Variants in ARHGEF9 observed in about 807,000 individuals in gnomAD.
ARHGEF9 encodes the protein Cdc42 guanine nucleotide exchange factor 9.
Under a neutral mutation model 41.3 loss-of-function variants are expected in ARHGEF9, and 2 were observed. The ratio of observed to expected loss-of-function variants is 0.05; its 90% CI spans 0.02 to 0.15. The LOEUF is 0.15. Among genes scored for constraint, ARHGEF9 ranks in the 10% least tolerant of loss-of-function variants. The pLI is 1.00. For missense variants in ARHGEF9, 225 were observed against 424.7 expected, an observed-to-expected ratio of 0.53 and a Z score of 4.13; for synonymous variants, 160 against 154.4, an observed-to-expected ratio of 1.04 and a Z score of -0.27.
chrX:63,653,151 G>C (rs1451010735), intron 8 of ARHGEF9, among the ~76,000 whole-genome samples: 1 of 111,542 alleles, frequency 9.0e-6, no homozygotes, highest in East Asian at 2.8e-4. Context: ...CAATATCCTA[G>C]ATAATCTGGA....
intron 4 of ARHGEF9, among the ~76,000 whole-genome samples, chrX:63,690,210 G>GT (rs1318176757): frequency 1.2e-4 from 13 of 109,726 alleles, no homozygotes; most frequent in Non-Finnish European, 2.5e-4. Context: ...ATGAAAAGTT[G>GT]TTTTTTTTGA....
At chrX:63,694,250 G>T (rs1453325185) in intron 4 of ARHGEF9, among the ~76,000 whole-genome samples, 6 of 111,287 alleles carry the variant, frequency 5.4e-5, no homozygotes, top group Admixed American at 9.6e-5. Context: ...CAACTCTTAC[G>T]TATTAGTAGT....
At chrX:63,716,016 G>C (rs1324511344) in intron 2 of ARHGEF9, 1 of 112,273 alleles carries the variant, frequency 8.9e-6, no homozygotes, top group East Asian at 2.8e-4. Context: ...AGCCAGGGTG[G>C]TGGCTCACAC....
intron 6 of ARHGEF9, chrX:63,670,416 C>T (rs1257775858): frequency 9.1e-6 from 1 of 110,448 alleles, no homozygotes; most frequent in Non-Finnish European, 1.9e-5. Context: ...TGGAACAGGT[C>T]CTTGGGTATT....
At chrX:63,761,566 A>C (rs1461479440) in intron 1 of ARHGEF9, among the ~76,000 whole-genome samples, 1 of 111,728 alleles carries the variant, frequency 9.0e-6, no homozygotes, top group Non-Finnish European at 1.9e-5. Context: ...TGAGAATACC[A>C]ATCTTCACCC....
intron 1 of ARHGEF9, among the ~76,000 whole-genome samples, chrX:63,741,057 T>C (rs1445998075): frequency 8.9e-6 from 1 of 112,626 alleles, no homozygotes; most frequent in Non-Finnish European, 1.9e-5. Context: ...TTTGCTCTAG[T>C]CCAGACTGTT....
chrX:63,783,517 A>C (rs1255354203), intron 1 of ARHGEF9, among the ~76,000 whole-genome samples: 1 of 111,387 alleles, frequency 9.0e-6, no homozygotes, highest in Non-Finnish European at 1.9e-5. Flanking sequence ...CGGCCTCCCA[A>C]AGTGCTGGGA....
At chrX:63,702,836 A>T (rs1452189484) in intron 3 of ARHGEF9, among the ~76,000 whole-genome samples, 2 of 112,034 alleles carry the variant, frequency 1.8e-5, no homozygotes, top group Non-Finnish European at 3.8e-5. Flanking sequence ...CATCTTACAG[A>T]ACTAGAGAAA....
chrX:63,732,315 A>T (rs2054357192), intron 1 of ARHGEF9: 1 of 110,675 alleles, frequency 9.0e-6, no homozygotes, highest in Admixed American at 9.6e-5. Flanking sequence ...TACCACCTCC[A>T]ATAAAATGCA....
chrX:63,773,890 T>C (rs1259840940), intron 1 of ARHGEF9, among the ~76,000 whole-genome samples: 4 of 110,617 alleles, frequency 3.6e-5, no homozygotes, highest in Non-Finnish European at 7.5e-5. Context: ...TCAAGTCTGA[T>C]GGCTTTCAGA....
chrX:63,755,096 C>T (rs2055881431), intron 1 of ARHGEF9: 1 of 939,084 alleles, frequency 1.1e-6, no homozygotes, highest in Non-Finnish European at 1.3e-6. Context: ...CCCTGCCTTG[C>T]TGGCCCTATC....
Position 63,666,036 on chromosome X carries a change from G to A in ARHGEF9, c.946-19C>T. The A allele has an allele frequency of 8.3e-7, 1 of 1,208,898 alleles. No homozygotes were observed. The highest frequency in any genetic ancestry group is 1.1e-6 in the Non-Finnish European group (1 of 895,068). ...CCTCGCCCTGGGAAGGACATGTGAT[G>A]ATGAGAGGCAGCCAGGCAGAAGGAT... On this transcript the variant is annotated intron_variant, in intron 6 of 9. Transcript: ENST00000671741.
At chrX:63,698,841 C>A (rs1361643635) in intron 3 of ARHGEF9, among the ~76,000 whole-genome samples, 1 of 112,163 alleles carries the variant, frequency 8.9e-6, no homozygotes, top group Non-Finnish European at 1.9e-5. Context: ...TTTGTGCCCT[C>A]ATTGACTGAC....
chrX:63,724,412 G>GA (rs782480547), intron 2 of ARHGEF9, 120 bp downstream of exon 2: 885 of 844,506 alleles, frequency 1.0e-3, no homozygotes, highest in Non-Finnish European at 1.2e-3. Context: ...TTAAAAAAAG[G>GA]AAAAAAATAT....
chrX:63,676,054 C>T (rs1204651503), intron 5 of ARHGEF9, among the ~76,000 whole-genome samples: 1 of 112,126 alleles, frequency 8.9e-6, no homozygotes, highest in Non-Finnish European at 1.9e-5. Flanking sequence ...ACACCCACAA[C>T]ATTGAATAGT....
At chrX:63,732,229 C>T (rs1274229282) in intron 1 of ARHGEF9, 6 of 111,698 alleles carry the variant, frequency 5.4e-5, no homozygotes, top group Non-Finnish European at 7.5e-5. Flanking sequence ...AATCATCCTT[C>T]TCATGACATC....
At chrX:63,652,220 T>C (rs1315749651) in intron 8 of ARHGEF9, among the ~76,000 whole-genome samples, 2 of 111,538 alleles carry the variant, frequency 1.8e-5, no homozygotes, top group Admixed American at 1.9e-4. Context: ...AAGCTAAATA[T>C]AAAATGAATG....
At chrX:63,652,648 T>C (rs1375028591) in intron 8 of ARHGEF9, among the ~76,000 whole-genome samples, 1 of 111,441 alleles carries the variant, frequency 9.0e-6, no homozygotes, top group Non-Finnish European at 1.9e-5. Context: ...GATGAATTTA[T>C]TGATGTGCCC....
intron 7 of ARHGEF9, chrX:63,657,295 A>G (rs1443206131): frequency 8.9e-6 from 1 of 111,754 alleles, no homozygotes; most frequent in Non-Finnish European, 1.9e-5. Flanking sequence ...TGTGCTCCCT[A>G]TGAAGGATCT....
Sources: gnomAD v4.1 joint callset for allele counts (sites outside exome capture counted in the v4.1 genomes callset) on GRCh38, gnomAD v4.1.1 for gene constraint, MANE v1.5 for transcripts, NCBI Gene and HGNC (gene_info 2026-07-23, HGNC 2026-07-21) for gene names.